Variants in ZNF804B observed in about 807,000 individuals in gnomAD.
ZNF804B encodes zinc finger 804B.
Under a neutral mutation model 101.4 loss-of-function variants are expected in ZNF804B, and 80 were observed. The observed-to-expected ratio is 0.79, with a 90% CI of 0.66 to 0.95. The LOEUF (loss-of-function observed/expected upper bound fraction) is 0.95, where lower values mean the gene tolerates loss of function less well. Among genes scored for constraint, ZNF804B ranks in the 40% least tolerant of loss-of-function variants. The probability of loss-of-function intolerance (pLI) is 0.00; values close to 1 mark genes in which losing one functional copy is unlikely to be tolerated. For synonymous variants in ZNF804B, 622 were observed against 558.8 expected (o/e 1.11, Z -1.59); for missense variants, 1,673 against 1,561.9 (o/e 1.07, Z -1.20).
rs528508892 is a variant in ZNF804B at position 89,069,188 on chromosome 7, C to G, written c.109-148967C>G. Among the ~76,000 whole-genome samples the G allele has an allele frequency of 5.3e-5, 8 of 152,276 alleles. No individual in the cohort carries two copies. The South Asian group carries it at 1.7e-3, about 32-fold the overall frequency. Reference sequence around the variant, plus strand: ...AAAGAAGAAAACTTGTAAGGCCTACCTGTCATAATTACTGTGGCCAAGATG... The same window carrying G: ...AAAGAAGAAAACTTGTAAGGCCTACGTGTCATAATTACTGTGGCCAAGATG... On this transcript the variant is annotated intron_variant, in intron 1 of 3. Coordinates refer to ENST00000333190, the MANE Select transcript of ZNF804B (RefSeq NM_181646.5).
intron 1 of ZNF804B, among the ~76,000 whole-genome samples, chr7:89,110,326 C>T (rs538436250): frequency 1.1e-4 from 16 of 152,102 alleles, no homozygotes; most frequent in Non-Finnish European, 2.4e-4. Context: ...AGAGTTTAAA[C>T]AGGGAAGTAC....
At chr7:88,841,850 CA>C (rs1791296658) in intron 1 of ZNF804B, among the ~76,000 whole-genome samples, 2 of 152,070 alleles carry the variant, frequency 1.3e-5, no homozygotes, top group Admixed American at 6.6e-5. Context: ...AAATTATATT[CA>C]GTAGAATTTT....
In ZNF804B at chr7:89,088,893, G is replaced by C. The variant is rs140123235; in HGVS notation, c.109-129262G>C. ...AGCAGCTACATAAAGCCTCTCTAAA[G>C]ACTGAACAGTCGTCCTGCTACAGAA... On this transcript the variant is annotated intron_variant, in intron 1 of 3. Transcript: ENST00000333190. 2.0e-5 allele frequency among the ~76,000 whole-genome samples: 3 copies of C among 151,936 alleles called. No individual in the cohort carries two copies. In the East Asian group the frequency reaches 5.8e-4, roughly 30 times the overall value.
chr7:89,277,925 A>G (rs1489006516), intron 2 of ZNF804B, among the ~76,000 whole-genome samples: 1 of 152,140 alleles, frequency 6.6e-6, no homozygotes, highest in East Asian at 1.9e-4. Context: ...GAGTCGCCAC[A>G]CTGACTTCCA....
intron 1 of ZNF804B, among the ~76,000 whole-genome samples, chr7:89,212,461 G>A (rs1188515051): frequency 2.6e-5 from 4 of 152,224 alleles, no homozygotes; most frequent in South Asian, 4.1e-4. Flanking sequence ...ATAACCTGGA[G>A]AAATAAATAA....
Position 88,843,941 on chromosome 7 carries a change from A to C in ZNF804B, c.108+83857A>C, listed in dbSNP as rs561840454. Among the ~76,000 whole-genome samples, 108 of 152,232 alleles carry C rather than the reference A, an allele frequency of 7.1e-4. 1 individual carries two copies. Among genetic ancestry groups the C allele is most frequent in the African/African-American group, 1.9e-3 (80 of 41,568 alleles). ...ATACCTGGTAAACTTCTAATTGTTTATAAAGATTAAAAAATTGTTTATAAA... is the reference window on the plus strand; with the variant it reads ...ATACCTGGTAAACTTCTAATTGTTTCTAAAGATTAAAAAATTGTTTATAAA... On this transcript the variant is annotated intron_variant, in intron 1 of 3. Coordinates refer to ENST00000333190, the MANE Select transcript of ZNF804B (RefSeq NM_181646.5).
At chr7:88,988,327 T>C (rs1259296340) in intron 1 of ZNF804B, among the ~76,000 whole-genome samples, 2 of 152,098 alleles carry the variant, frequency 1.3e-5, no homozygotes, top group East Asian at 3.9e-4. Flanking sequence ...ATTTTCTCTA[T>C]TGAAAATGTG....
intron 1 of ZNF804B, among the ~76,000 whole-genome samples, chr7:89,072,254 C>G (rs146815908): frequency 2.2e-4 from 34 of 152,268 alleles, no homozygotes; most frequent in African/African-American, 7.7e-4. Context: ...CCAGTTTTCT[C>G]TGAGGCCTAG....
chr7:88,858,211 A>G (rs892910954), intron 1 of ZNF804B, among the ~76,000 whole-genome samples: 6 of 152,184 alleles, frequency 3.9e-5, no homozygotes, highest in Middle Eastern at 6.8e-3. Context: ...ACTTCTCCTC[A>G]AATTAGGCTA....
chr7:89,333,324 C>G, intron 3 of ZNF804B, 39 bp from the exon 4 acceptor site: 1 of 1,478,770 alleles, frequency 6.8e-7, no homozygotes, highest in Non-Finnish European at 9.0e-7. Context: ...GATTCCAAAG[C>G]TAATCTCTTA....
At chr7:88,864,863 A>G (rs1195045566) in intron 1 of ZNF804B, among the ~76,000 whole-genome samples, 4 of 152,190 alleles carry the variant, frequency 2.6e-5, no homozygotes, top group Non-Finnish European at 4.4e-5. Context: ...GCTCTGAGAA[A>G]GTGCATAAGA....
At chr7:89,330,043 A>T (rs1332648955) in intron 3 of ZNF804B, among the ~76,000 whole-genome samples, 1 of 151,716 alleles carries the variant, frequency 6.6e-6, no homozygotes, top group African/African-American at 2.4e-5. Flanking sequence ...TGGAAAATCC[A>T]TCAATAAGAA....
At chr7:89,031,674 T>TTC (rs1352230676) in intron 1 of ZNF804B, among the ~76,000 whole-genome samples, 4 of 150,718 alleles carry the variant, frequency 2.7e-5, no homozygotes, top group African/African-American at 4.9e-5. Context: ...TTTTTTTTTT[T>TTC]CCCAAATGTA....
intron 2 of ZNF804B, among the ~76,000 whole-genome samples, chr7:89,289,946 A>G (rs1385172227): frequency 6.6e-6 from 1 of 152,134 alleles, no homozygotes; most frequent in East Asian, 1.9e-4. Context: ...GATCCAAGAG[A>G]GATTTCTTCC....
chr7:88,854,939 A>G (rs1420317127), intron 1 of ZNF804B, among the ~76,000 whole-genome samples: 1 of 151,504 alleles, frequency 6.6e-6, no homozygotes, highest in African/African-American at 2.4e-5. Flanking sequence ...TGAACTCATC[A>G]TTTTTTATGG....
At chr7:89,085,706 GGTAA>G in intron 1 of ZNF804B, among the ~76,000 whole-genome samples, 1 of 152,008 alleles carries the variant, frequency 6.6e-6, no homozygotes, top group East Asian at 1.9e-4. Context: ...TAATTGACAA[GGTAA>G]GTAATTGTCT....
At chr7:89,068,527 AG>A (rs1301859777) in intron 1 of ZNF804B, among the ~76,000 whole-genome samples, 2 of 152,296 alleles carry the variant, frequency 1.3e-5, no homozygotes, top group Admixed American at 1.3e-4. Context: ...TGTTTAAAAA[AG>A]TTACCCTGAC....
At chr7:89,204,172 A>G (rs959488443) in intron 1 of ZNF804B, among the ~76,000 whole-genome samples, 2 of 152,238 alleles carry the variant, frequency 1.3e-5, no homozygotes, top group Admixed American at 1.3e-4. Flanking sequence ...CTTTTCTTAT[A>G]TTAGAAAATG....
At chr7:89,211,375 C>A (rs1481603111) in intron 1 of ZNF804B, among the ~76,000 whole-genome samples, 2 of 151,992 alleles carry the variant, frequency 1.3e-5, no homozygotes, top group African/African-American at 4.8e-5. Context: ...CTGATTAGAT[C>A]CCATTTGTCA....
Sources: allele counts gnomAD v4.1 joint callset (sites outside exome capture counted in the v4.1 genomes callset), GRCh38; gene constraint gnomAD v4.1.1; transcripts MANE v1.5; gene names NCBI Gene and HGNC (gene_info 2026-07-23, HGNC 2026-07-21).